MEGF11: variants seen among roughly 807,000 people sequenced by gnomAD.
MEGF11 encodes the protein multiple EGF like domains 11.
In MEGF11, 126 loss-of-function variants were observed where a neutral mutation model predicts 146.6. The observed-to-expected ratio is 0.86, with a 90% confidence interval of 0.74 to 1.00. The LOEUF (loss-of-function observed/expected upper bound fraction) is 1.00. MEGF11 is among the 50% of genes least tolerant of loss of function. The pLI is 0.00. For synonymous variants in MEGF11, 532 were observed against 583.4 expected, an observed-to-expected ratio of 0.91 and a Z score of 1.27; for missense variants, 1,509 against 1,521.2, an observed-to-expected ratio of 0.99 and a Z score of 0.13.
intron 1 of MEGF11, among the ~76,000 whole-genome samples, chr15:66,155,184 T>A (rs1477799): frequency 2.0e-5 from 3 of 152,164 alleles, no homozygotes; most frequent in East Asian, 1.9e-4. Flanking sequence ...CTGTCCTGGC[T>A]CTGTGCCTCA....
intron 5 of MEGF11, among the ~76,000 whole-genome samples, chr15:66,073,728 C>T (rs112734018): frequency 1.6e-4 from 24 of 152,310 alleles, no homozygotes; most frequent in African/African-American, 5.5e-4. Flanking sequence ...AGCCTATTCC[C>T]TTGCTGAGCT....
intron 1 of MEGF11, among the ~76,000 whole-genome samples, chr15:66,236,631 GGCTGTGCTGGAGGGAA>G (rs1465439499): frequency 6.6e-6 from 1 of 152,162 alleles, no homozygotes; most frequent in African/African-American, 2.4e-5. Flanking sequence ...GTGTGGAAAT[GGCTGTGCTGGAGGGAA>G]GAACAGCAGC....
chr15:65,914,689 A>T (rs570891670), intron 19 of MEGF11, among the ~76,000 whole-genome samples: 1 of 152,158 alleles, frequency 6.6e-6, no homozygotes, highest in Non-Finnish European at 1.5e-5. Context: ...GAGCTGGCCA[A>T]CATCACTAGG....
intron 12 of MEGF11, 143 bp downstream of exon 12, chr15:65,929,577 G>T: frequency 1.0e-6 from 1 of 1,004,914 alleles, no homozygotes; most frequent in Non-Finnish European, 1.4e-6. Flanking sequence ...GAGAGGTTAG[G>T]ACTAGGACTG....
rs181325915 is a variant in MEGF11 at position 66,188,433 on chromosome 15, G to A, written c.-8-60022C>T. On this transcript the variant is annotated intron_variant, in intron 1 of 25. Coordinates refer to ENST00000395614, the MANE Select transcript of MEGF11 (RefSeq NM_001385028.1). ...CTTGCCAGGTTACAGCCCTCTCTAT[G>A]TCTGCCCCAAGGCCCTGACTCCCTT... 1.5e-4 allele frequency among the ~76,000 whole-genome samples: 23 copies of A among 152,002 alleles called. No individual in the cohort carries two copies. The East Asian group carries it at 4.1e-3, about 27-fold the overall frequency.
Position 65,982,340 on chromosome 15 carries a change from G to C in MEGF11, c.543C>G (p.His181Gln). ...GGCACGGCAGCTGGCATCCCTTGCC[G>C]TGGGTGCCAGGTGCGCAGAGCTCCT... ...RCEELCAPGT[H>Q]GKGCQLPCQC... The change falls in exon 6 of 26, where the codon CAC (histidine) becomes CAG (glutamine). Residue 181 changes from histidine to glutamine, a missense_variant. Physicochemically the swap from His to Gln is conservative, Grantham distance 24. Transcript: ENST00000395614. This position sits in a 1 kb window ranked among gnomAD's most constrained non-coding sequence, Gnocchi z 5.6. The C allele has an allele frequency of 6.5e-7, 1 of 1,530,692 alleles. No individual in the cohort carries two copies. The allele number at this position is 1,530,692 out of a possible 1,614,324, so 94.8% of individuals were successfully genotyped here.
intron 1 of MEGF11, among the ~76,000 whole-genome samples, chr15:66,223,478 T>C (rs565517668): frequency 5.1e-4 from 77 of 152,346 alleles, no homozygotes; most frequent in African/African-American, 1.8e-3. Context: ...CACTTTAAAA[T>C]AGTGAATTGC....
intron 5 of MEGF11, among the ~76,000 whole-genome samples, chr15:66,016,398 CCCCGAGTTTTCTAA>C (rs1191890891): frequency 1.3e-5 from 2 of 152,230 alleles, no homozygotes; most frequent in African/African-American, 4.8e-5. Flanking sequence ...AGAATCACAA[CCCCGAGTTTTCTAA>C]CGACCGCAAA....
intron 24 of MEGF11, among the ~76,000 whole-genome samples, chr15:65,899,753 A>AC (rs1320173960): frequency 1.3e-5 from 2 of 152,036 alleles, no homozygotes; most frequent in East Asian, 3.9e-4. Flanking sequence ...TGGGTTGCTT[A>AC]CCCCCCTGTT....
At chr15:65,926,579 T>C (rs2079379543) in intron 13 of MEGF11, among the ~76,000 whole-genome samples, 1 of 152,058 alleles carries the variant, frequency 6.6e-6, no homozygotes, top group Non-Finnish European at 1.5e-5. Flanking sequence ...TAGGCACAGA[T>C]TTTTCTTGAG....
In MEGF11 at chr15:65,964,888, C is replaced by T. The variant is rs756893763; in HGVS notation, c.1112+20G>A. Reference sequence around the variant, plus strand: ...GCACCCCCCGCCCTTGTCCCGGGCTCGCCCATTCCCAGCTCATACCTGATG... The same window carrying T: ...GCACCCCCCGCCCTTGTCCCGGGCTTGCCCATTCCCAGCTCATACCTGATG... On this transcript the variant is annotated intron_variant, in intron 9 of 25. Transcript: ENST00000395614. 1.9e-5 allele frequency: 28 copies of T among 1,459,448 alleles called. No individual in the cohort carries two copies. The African/African-American group carries it at 2.0e-4, about 10-fold the overall frequency. 90.4% of individuals were successfully genotyped at this position (1,459,448 alleles called of 1,614,324 possible).
At chr15:66,067,378 G>A (rs1291216352) in intron 5 of MEGF11, among the ~76,000 whole-genome samples, 1 of 152,180 alleles carries the variant, frequency 6.6e-6, no homozygotes, top group African/African-American at 2.4e-5. Context: ...CCTTATTAGA[G>A]CCTCAGGACA....
chr15:66,157,178 C>A (rs956946908), intron 1 of MEGF11, among the ~76,000 whole-genome samples: 1 of 152,180 alleles, frequency 6.6e-6, no homozygotes, highest in African/African-American at 2.4e-5. Flanking sequence ...GTATTGACAA[C>A]CCCACACGGA....
intron 1 of MEGF11, among the ~76,000 whole-genome samples, chr15:66,203,742 A>G (rs1054585682): frequency 3.9e-5 from 6 of 152,244 alleles, no homozygotes; most frequent in Non-Finnish European, 7.3e-5. Flanking sequence ...CAAACAACCA[A>G]TGCAATAATG....
chr15:66,244,166 C>T (rs980458777), intron 1 of MEGF11, among the ~76,000 whole-genome samples: 1 of 152,164 alleles, frequency 6.6e-6, no homozygotes, highest in Admixed American at 6.5e-5. Flanking sequence ...CAATGGTGGT[C>T]CTTGCTATGG....
At chr15:65,930,707 C>G in intron 11 of MEGF11, 116 bp downstream of exon 11, 6 of 1,324,138 alleles carry the variant, frequency 4.5e-6, no homozygotes, top group Non-Finnish European at 6.1e-6. Flanking sequence ...GGCTCCCTGA[C>G]CTTGCATGTG....
At chr15:66,236,582 C>T (rs2092096610) in intron 1 of MEGF11, among the ~76,000 whole-genome samples, 1 of 152,092 alleles carries the variant, frequency 6.6e-6, no homozygotes, top group Non-Finnish European at 1.5e-5. Context: ...CTGGATGGGA[C>T]AAGGAAGAAT....
chr15:65,911,305 A>G (rs1327382663), intron 21 of MEGF11, among the ~76,000 whole-genome samples: 1 of 152,252 alleles, frequency 6.6e-6, no homozygotes, highest in African/African-American at 2.4e-5. Context: ...TTCAGATAAA[A>G]GAAACATTGT....
chr15:65,934,487 G>T (rs2079694595), intron 10 of MEGF11, among the ~76,000 whole-genome samples: 1 of 152,158 alleles, frequency 6.6e-6, no homozygotes, highest in Non-Finnish European at 1.5e-5. Flanking sequence ...CCGACCTCAG[G>T]TGATCCACCC....
Sources: allele counts gnomAD v4.1 joint callset (sites outside exome capture counted in the v4.1 genomes callset), GRCh38; gene constraint gnomAD v4.1.1; non-coding constraint Gnocchi (gnomAD v3.1); transcripts MANE v1.5; gene names NCBI Gene and HGNC (gene_info 2026-07-23, HGNC 2026-07-21).